The following ENPEP variants were observed in gnomAD, a reference collection of about 807,000 sequenced individuals.
ENPEP encodes glutamyl aminopeptidase, also known as AP-A.
In ENPEP, 103 loss-of-function variants were observed where a neutral mutation model predicts 114.5. The observed-to-expected ratio is 0.90, with a 90% CI of 0.77 to 1.06. ENPEP has a LOEUF of 1.06. Ranked by LOEUF, ENPEP falls within the 50% of genes least tolerant of loss-of-function variation. ENPEP has a pLI of 0.00. For synonymous variants in ENPEP, 420 were observed against 422.0 expected (o/e 1.00, Z 0.06); for missense variants, 1,196 against 1,161.3 (o/e 1.03, Z -0.43).
At chr4:110,534,683 AT>A (rs1378841316) in intron 11 of ENPEP, among the ~76,000 whole-genome samples, 2 of 150,088 alleles carry the variant, frequency 1.3e-5, no homozygotes, top group Non-Finnish European at 3.0e-5. Flanking sequence ...ATTTTTTTGT[AT>A]TTTTAGTAAG....
At position 110,563,076 on chromosome 4, in the gene ENPEP, A is replaced by G. The variant is rs891156974; in HGVS notation, c.*1518A>G. ...AGAAGAAATTTCCAGACCAAAAAAT[A>G]TTAAATATTATTTTAAATTATTTCA... On this transcript the variant is annotated 3_prime_UTR_variant, in exon 20 of 20. Transcript: ENST00000265162. 6.6e-6 allele frequency: 1 copy of G among 152,158 alleles called. No homozygotes were observed. Among genetic ancestry groups the G allele is most frequent in the Non-Finnish European group, 1.5e-5 (1 of 68,018 alleles). 9.4% of individuals were successfully genotyped at this position (152,158 alleles called of 1,614,324 possible).
At chr4:110,479,111 T>C (rs1724217424) in intron 1 of ENPEP, among the ~76,000 whole-genome samples, 1 of 152,192 alleles carries the variant, frequency 6.6e-6, no homozygotes, top group Non-Finnish European at 1.5e-5. Context: ...TGTTAACATT[T>C]AGGCAGAGAC....
At chr4:110,548,432 T>A in intron 14 of ENPEP, 106 bp downstream of exon 14, 1 of 939,058 alleles carries the variant, frequency 1.1e-6, no homozygotes, top group Non-Finnish European at 1.5e-6. Context: ...CATGTTTGCT[T>A]GCCAGGTGGA....
chr4:110,528,693 G>A (rs371896533), intron 10 of ENPEP, among the ~76,000 whole-genome samples: 1 of 152,150 alleles, frequency 6.6e-6, no homozygotes, highest in Non-Finnish European at 1.5e-5. Context: ...AAGCATATGT[G>A]CCTTTGATAG....
intron 1 of ENPEP, among the ~76,000 whole-genome samples, chr4:110,484,707 C>A (rs1270687968): frequency 6.7e-6 from 1 of 148,416 alleles, no homozygotes; most frequent in South Asian, 2.1e-4. Flanking sequence ...AAATTATTTT[C>A]TTTCCTGGGA....
At position 110,542,733 on chromosome 4, in the gene ENPEP, G is replaced by A. The variant is rs939956772; in HGVS notation, c.1808-18G>A. The stretch of plus-strand genomic sequence containing the variant: ...GCATGCAAACATGTTGCTCATTAGT[G>A]TTTATTTACTACTACAGGAATCACT... On this transcript the variant is annotated intron_variant, in intron 11 of 19. Coordinates refer to ENST00000265162, the MANE Select transcript of ENPEP (RefSeq NM_001977.4). The A allele has an allele frequency of 4.4e-6, 7 of 1,603,100 alleles. No individual in the cohort carries two copies. The highest frequency in any genetic ancestry group is 6.0e-6 in the Non-Finnish European group (7 of 1,174,094).
At chr4:110,501,105 T>G (rs566596714) in intron 3 of ENPEP, among the ~76,000 whole-genome samples, 1 of 152,138 alleles carries the variant, frequency 6.6e-6, no homozygotes. Flanking sequence ...GTCTTTAATA[T>G]AAAAATGTTT....
rs567152267 is a variant in ENPEP at position 110,496,509 on chromosome 4, AAC to A, written c.918+5347_918+5348del. Among the ~76,000 whole-genome samples, 133 of 152,326 alleles carry A rather than the reference AAC, an allele frequency of 8.7e-4. 4 individuals are homozygous for A. The South Asian group carries it at 0.027, about 31-fold the overall frequency. ...TGTAATACAATACTATTAACTAAAC[AAC>A]AGTCTTTACTTGGATTTCACCAGTT... On this transcript the variant is annotated intron_variant, in intron 3 of 19. Transcript: ENST00000265162.
chr4:110,491,238 T>G, intron 3 of ENPEP, 74 bp downstream of exon 3: 1 of 1,245,134 alleles, frequency 8.0e-7, no homozygotes, highest in Admixed American at 2.9e-5. Flanking sequence ...TTGGGTAGTT[T>G]TTTTTTTTTT....
chr4:110,506,542 G>A (rs1294680136), intron 3 of ENPEP, 95 bp from the exon 4 acceptor site: 2 of 1,337,398 alleles, frequency 1.5e-6, no homozygotes, highest in Non-Finnish European at 2.0e-6. Context: ...TGGCTCCAAA[G>A]CCCACTTTCT....
chr4:110,531,153 C>G (rs1287722830), intron 10 of ENPEP, 45 bp from the exon 11 acceptor site: 6 of 1,185,830 alleles, frequency 5.1e-6, no homozygotes, highest in Non-Finnish European at 6.9e-6. Context: ...GAAATTTTAT[C>G]TTTTAGTAAT....
chr4:110,546,806 T>C (rs1040227505), intron 13 of ENPEP, among the ~76,000 whole-genome samples: 25 of 152,004 alleles, frequency 1.6e-4, no homozygotes, highest in African/African-American at 6.0e-4. Context: ...CAAAGGTGAT[T>C]TAGTTAATTG....
intron 1 of ENPEP, among the ~76,000 whole-genome samples, chr4:110,478,152 A>T (rs776368186): frequency 2.2e-4 from 33 of 152,214 alleles, no homozygotes; most frequent in Non-Finnish European, 3.8e-4. Context: ...AGCATCTTAC[A>T]GAGCAAGCAA....
At chr4:110,479,593 T>A (rs990475838) in intron 1 of ENPEP, among the ~76,000 whole-genome samples, 1 of 152,102 alleles carries the variant, frequency 6.6e-6, no homozygotes, top group Non-Finnish European at 1.5e-5. Flanking sequence ...CCACCAACAA[T>A]GTATGAAAGC....
intron 4 of ENPEP, among the ~76,000 whole-genome samples, chr4:110,508,331 A>G (rs1276940732): frequency 6.6e-6 from 1 of 152,092 alleles, no homozygotes; most frequent in Non-Finnish European, 1.5e-5. Context: ...TTAAGTGCAA[A>G]CTGCACTCCA....
rs1158040418 is a variant in ENPEP at position 110,520,033 on chromosome 4, A to G, written c.1535A>G (p.Lys512Arg). The G allele has an allele frequency of 6.2e-7, 1 of 1,613,938 alleles. No individual in the cohort carries two copies. The highest frequency in any genetic ancestry group is 8.5e-7 in the Non-Finnish European group (1 of 1,179,928). ...ATGTACTTGGAAAAATACCAATTCA[A>G]GAATGCAAAAACTTCTGATTTTTGG... ...CQMYLEKYQF[K>R]NAKTSDFWAA... is the part of the protein sequence containing the mutation. The change falls in exon 9 of 20, where the codon AAG becomes AGG. Residue 512 changes from lysine (K) to arginine (R), a missense_variant. Coordinates refer to ENST00000265162, the MANE Select transcript of ENPEP (RefSeq NM_001977.4).
chr4:110,518,627 C>G (rs1422057819), intron 8 of ENPEP, among the ~76,000 whole-genome samples: 1 of 152,190 alleles, frequency 6.6e-6, no homozygotes, highest in Non-Finnish European at 1.5e-5. Context: ...ATTTTAAAAG[C>G]AGTAACAACA....
At chr4:110,479,108 A>T (rs1724217322) in intron 1 of ENPEP, among the ~76,000 whole-genome samples, 1 of 152,228 alleles carries the variant, frequency 6.6e-6, no homozygotes, top group Non-Finnish European at 1.5e-5. Context: ...CATTGTTAAC[A>T]TTTAGGCAGA....
chr4:110,507,782 C>T (rs566353325), intron 4 of ENPEP, among the ~76,000 whole-genome samples: 4 of 152,260 alleles, frequency 2.6e-5, no homozygotes, highest in African/African-American at 9.6e-5. Flanking sequence ...TCAAGACCAG[C>T]CTGGCAACAT....
Sources: gnomAD v4.1 joint callset for allele counts (sites outside exome capture counted in the v4.1 genomes callset) on GRCh38, gnomAD v4.1.1 for gene constraint, MANE v1.5 for transcripts, NCBI Gene and HGNC (gene_info 2026-07-23, HGNC 2026-07-21) for gene names.